DGKE: variants seen among roughly 807,000 people sequenced by gnomAD.
DGKE encodes DAG kinase epsilon.
In DGKE, 53 loss-of-function variants were observed where a neutral mutation model predicts 70.0. That is an observed-to-expected ratio of 0.76 (90% CI 0.61 to 0.95). DGKE has a LOEUF of 0.95. Ranked by LOEUF, DGKE falls within the 40% of genes least tolerant of loss-of-function variation. The probability of loss-of-function intolerance (pLI) is 0.00; values close to 1 mark genes in which losing one functional copy is unlikely to be tolerated. For missense variants in DGKE, 655 were observed against 706.9 expected (o/e 0.93, Z 0.83); for synonymous variants, 291 against 257.0 (o/e 1.13, Z -1.27).
chr17:56,848,363 G>A (rs1039695532), intron 5 of DGKE, among the ~76,000 whole-genome samples: 1 of 152,046 alleles, frequency 6.6e-6, no homozygotes, highest in Admixed American at 6.6e-5. Context: ...TCACCATGTT[G>A]CCTGGGCTGC....
At chr17:56,852,369 C>T (rs1021807196) in intron 7 of DGKE, among the ~76,000 whole-genome samples, 6 of 151,018 alleles carry the variant, frequency 4.0e-5, no homozygotes, top group African/African-American at 7.3e-5. Context: ...GCCAAGATCA[C>T]GCCACTGTAC....
At chr17:56,852,949 T>C (rs1381788552) in intron 7 of DGKE, among the ~76,000 whole-genome samples, 8 of 152,226 alleles carry the variant, frequency 5.3e-5, no homozygotes, top group Admixed American at 5.2e-4. Context: ...ATTTCTAATC[T>C]GAAAAGCTGA....
chr17:56,835,206 C>G lies in DGKE; in HGVS notation c.411C>G (p.Tyr137Ter), dbSNP rs1567807518. The change falls in exon 2 of 12, where the codon TAC becomes TAG. Residue 137 changes from tyrosine (Y) to a stop codon, truncating the protein, a stop_gained. Coordinates refer to ENST00000284061, the MANE Select transcript of DGKE (RefSeq NM_003647.3). LOFTEE classifies it high-confidence loss of function. ...GGGGCAACGTGCCCCTGTGCAGTTA[C>G]TGTATGGTTTGCAAGCAGCAGTGTG... ...WIRGNVPLCSYCMVCKQQCGC... is the reference protein window; with the variant it reads ...WIRGNVPLCS 1 of 1,613,778 alleles carries G rather than the reference C, an allele frequency of 6.2e-7. No homozygotes were observed.
chr17:56,849,109 T>G (rs369135476), intron 6 of DGKE, 72 bp from the exon 7 acceptor site: 12 of 1,449,380 alleles, frequency 8.3e-6, no homozygotes, highest in African/African-American at 2.9e-5. Flanking sequence ...TAGAAAACCC[T>G]CATTTATCCA....
At chr17:56,849,585 A>T (rs1907527540) in intron 7 of DGKE, among the ~76,000 whole-genome samples, 1 of 152,206 alleles carries the variant, frequency 6.6e-6, no homozygotes, top group Admixed American at 6.5e-5. Context: ...TTTTTAAAAG[A>T]TACTCTGGAG....
At chr17:56,835,308 A>G in intron 2 of DGKE, 49 bp downstream of exon 2, 1 of 1,546,228 alleles carries the variant, frequency 6.5e-7, no homozygotes, top group Non-Finnish European at 8.7e-7. Flanking sequence ...CGTGGGAATC[A>G]GGATTTCATA....
chr17:56,863,756 C>A lies in DGKE; in HGVS notation c.*965C>A, dbSNP rs1336941981. 6.6e-6 allele frequency: 1 copy of A among 152,068 alleles called. No individual in the cohort carries two copies. The highest frequency in any genetic ancestry group is 2.4e-5 in the African/African-American group (1 of 41,406). The allele number at this position is 152,068 out of a possible 1,614,324, so 9.4% of individuals were successfully genotyped here. A position where few individuals can be genotyped will look rare whatever the true frequency, so the allele number is the denominator to read the frequency against. ...CTTAGGGAGGTAAGTGGACAGAAAT[C>A]TTTGCTAAAATGTTTATATCATATT... On this transcript the variant is annotated 3_prime_UTR_variant, in exon 12 of 12. Coordinates refer to ENST00000284061, the MANE Select transcript of DGKE (RefSeq NM_003647.3).
rs1691777004 is a variant in DGKE, at chr17:56,869,490, G to A, written c.*6699G>A. 1 of 152,192 alleles carries A rather than the reference G, an allele frequency of 6.6e-6. No individual in the cohort carries two copies. Among genetic ancestry groups the A allele is most frequent in the Admixed American group, 6.5e-5 (1 of 15,276 alleles). 9.4% of individuals were successfully genotyped at this position (152,192 alleles called of 1,614,324 possible). On this transcript the variant is annotated 3_prime_UTR_variant, in exon 12 of 12. Coordinates refer to ENST00000284061, the MANE Select transcript of DGKE (RefSeq NM_003647.3). ...TTAGGCATTAGAGGAAGAATATTCT[G>A]TAGTCCTGCTTTATTCTGCCATCTT...
At position 56,835,143 on chromosome 17, in the gene DGKE, C is replaced by T. The variant is rs1270817942; in HGVS notation, c.348C>T (p.Asp116=). The change falls in exon 2 of 12, where the codon GAC becomes GAT. Residue 116 remains aspartate (D), a synonymous_variant. Transcript: ENST00000284061. ...GCAAGGAGATTATGCTCAAGAATGA[C>T]ACCAAGGTCCTGGACGCCATGCCCC... ...FQCKEIMLKN[D]TKVLDAMPHH... 1 of 1,613,948 alleles carries T rather than the reference C, an allele frequency of 6.2e-7. No homozygotes were observed. The highest frequency in any genetic ancestry group is 8.5e-7 in the Non-Finnish European group (1 of 1,180,054).
At chr17:56,843,882 A>G (rs1907136263) in intron 2 of DGKE, 137 bp from the exon 3 acceptor site, 4 of 764,894 alleles carry the variant, frequency 5.2e-6, no homozygotes, top group Non-Finnish European at 7.8e-6. Context: ...CAGATAGTGC[A>G]TATATTTTAT....
Position 56,863,748 on chromosome 17 carries a change from A to C in DGKE, c.*957A>C, listed in dbSNP as rs142320562. ...AATTTCCCCTTAGGGAGGTAAGTGG[A>C]CAGAAATCTTTGCTAAAATGTTTAT... On this transcript the variant is annotated 3_prime_UTR_variant, in exon 12 of 12. Transcript: ENST00000284061. 2.0e-5 allele frequency: 3 copies of C among 152,344 alleles called. No homozygotes were observed. In the East Asian group the frequency reaches 5.8e-4, roughly 29 times the overall value. 9.4% of individuals were successfully genotyped at this position (152,344 alleles called of 1,614,324 possible). A position where few individuals can be genotyped will look rare whatever the true frequency, so the allele number is the denominator to read the frequency against.
intron 7 of DGKE, among the ~76,000 whole-genome samples, chr17:56,855,834 T>C (rs2144271227): frequency 6.6e-6 from 1 of 152,006 alleles, no homozygotes; most frequent in Admixed American, 6.5e-5. Context: ...TGAAACCCCA[T>C]CTCTACTAAA....
At chr17:56,854,884 A>G (rs1255271761) in intron 7 of DGKE, among the ~76,000 whole-genome samples, 1 of 152,248 alleles carries the variant, frequency 6.6e-6, no homozygotes, top group Non-Finnish European at 1.5e-5. Flanking sequence ...ATGTCATTAA[A>G]AATAAATATA....
intron 2 of DGKE, among the ~76,000 whole-genome samples, chr17:56,843,052 C>T (rs757193888): frequency 2.0e-5 from 3 of 152,194 alleles, no homozygotes; most frequent in Non-Finnish European, 4.4e-5. Flanking sequence ...GCTGGACCCT[C>T]AGGAACTCTT....
In DGKE at chr17:56,863,256, C is replaced by T. The variant is rs1025860023; in HGVS notation, c.*465C>T. On this transcript the variant is annotated 3_prime_UTR_variant, in exon 12 of 12. Transcript: ENST00000284061. ...CAGCATGGTTAATTGTGAGCATCCT[C>T]CTGCAGCATGCCCCTTAAGATTTTC... 9 of 152,502 alleles carry T rather than the reference C, an allele frequency of 5.9e-5. No homozygotes were observed. Among genetic ancestry groups the T allele is most frequent in the African/African-American group, 2.2e-4 (9 of 41,566 alleles). The allele number at this position is 152,502 out of a possible 1,614,324, so 9.4% of individuals were successfully genotyped here.
At chr17:56,840,874 C>G (rs999110424) in intron 2 of DGKE, among the ~76,000 whole-genome samples, 2 of 152,080 alleles carry the variant, frequency 1.3e-5, no homozygotes, top group African/African-American at 4.8e-5. Flanking sequence ...TGCCTGTAGC[C>G]TAGCTACTCA....
intron 9 of DGKE, among the ~76,000 whole-genome samples, chr17:56,859,654 G>A (rs571869712): frequency 6.6e-6 from 1 of 152,136 alleles, no homozygotes; most frequent in South Asian, 2.1e-4. Flanking sequence ...TCCTGACCTC[G>A]TGATCTGCCC....
chr17:56,858,348 T>C (rs991313760), intron 8 of DGKE, among the ~76,000 whole-genome samples: 4 of 152,238 alleles, frequency 2.6e-5, no homozygotes, highest in African/African-American at 9.6e-5. Context: ...TAGATTTCCA[T>C]TGCTGCTCCT....
At chr17:56,856,095 C>T (rs1907929182) in intron 7 of DGKE, among the ~76,000 whole-genome samples, 1 of 150,914 alleles carries the variant, frequency 6.6e-6, no homozygotes, top group African/African-American at 2.4e-5. Flanking sequence ...AAATGATTGA[C>T]CTTGGAATCC....
Sources: gnomAD v4.1 joint callset for allele counts (sites outside exome capture counted in the v4.1 genomes callset) on GRCh38, gnomAD v4.1.1 for gene constraint, MANE v1.5 for transcripts, NCBI Gene and HGNC (gene_info 2026-07-23, HGNC 2026-07-21) for gene names.